Variants in CACNA1B observed in about 807,000 individuals in gnomAD.
The protein encoded by CACNA1B is voltage-dependent N-type calcium channel subunit alpha-1B.
A neutral mutation model predicts 247.2 loss-of-function variants in CACNA1B; 70 were observed. The ratio of observed to expected loss-of-function variants is 0.28; its 90% CI spans 0.23 to 0.35. The LOEUF is 0.35. Ranked by LOEUF, CACNA1B falls within the 10% of genes least tolerant of loss-of-function variation. The pLI is 1.00. For synonymous variants in CACNA1B, 1,231 were observed against 1,294.4 expected, an observed-to-expected ratio of 0.95 and a Z score of 1.05; for missense variants, 2,367 against 3,197.4, an observed-to-expected ratio of 0.74 and a Z score of 6.26.
rs559649209 is a variant in CACNA1B, at chr9:137,880,578, A to T, written c.390+1419A>T. On this transcript the variant is annotated intron_variant, in intron 2 of 46. Coordinates refer to ENST00000371372, the MANE Select transcript of CACNA1B (RefSeq NM_000718.4). The surrounding 1 kb of genome is among the most constrained non-coding windows in gnomAD (Gnocchi z 4.8). ...CAGGCAGTGGGTGTCCAGCCTTGCA[A>T]GTTCCTGCCTCGCAGGTGTGGGAGG... is the stretch of plus-strand genomic sequence containing the variant. 6.6e-5 allele frequency among the ~76,000 whole-genome samples: 10 copies of T among 152,288 alleles called. No individual in the cohort carries two copies. The highest frequency in any genetic ancestry group is 2.4e-4 in the African/African-American group (10 of 41,562).
intron 39 of CACNA1B, among the ~76,000 whole-genome samples, chr9:138,111,749 T>TGCC (rs1961641203): frequency 7.0e-6 from 1 of 142,504 alleles, no homozygotes; most frequent in East Asian, 2.4e-4. Flanking sequence ...CCATCCACCC[T>TGCC]GCCCCGAGGC....
intron 34 of CACNA1B, among the ~76,000 whole-genome samples, chr9:138,075,475 A>T (rs1960283783): frequency 6.6e-6 from 1 of 152,272 alleles, no homozygotes; most frequent in African/African-American, 2.4e-5. Flanking sequence ...TGTTACCAAC[A>T]TAATGCCTGC....
At chr9:137,879,977 C>T (rs982287947) in intron 2 of CACNA1B, among the ~76,000 whole-genome samples, 2 of 152,208 alleles carry the variant, frequency 1.3e-5, no homozygotes, top group Non-Finnish European at 2.9e-5. Flanking sequence ...GAGCAGAAGG[C>T]AGAGCAAGTG....
chr9:138,046,339 G>A (rs1959185651), intron 21 of CACNA1B, among the ~76,000 whole-genome samples: 1 of 152,214 alleles, frequency 6.6e-6, no homozygotes, highest in African/African-American at 2.4e-5. Context: ...GTGTTCACGT[G>A]GAGCGTGTTC....
Position 137,891,758 on chromosome 9 carries a change from G to C in CACNA1B, c.530+8875G>C, listed in dbSNP as rs79784587. On this transcript the variant is annotated intron_variant, in intron 3 of 46. Transcript: ENST00000371372. This position sits in a 1 kb window ranked among gnomAD's most constrained non-coding sequence, Gnocchi z 4.3. ...GCTGGCTGTGGGGCTGTAGAGTGGA[G>C]GGGCCTCCACCCTGCGTGCCTGTGT... is the stretch of plus-strand genomic sequence containing the variant. 2.2e-5 allele frequency: 7 copies of C among 320,084 alleles called. No homozygotes were observed. The Admixed American group carries it at 3.1e-4, about 14-fold the overall frequency. The allele number at this position is 320,084 out of a possible 1,614,324, so 19.8% of individuals were successfully genotyped here.
intron 3 of CACNA1B, among the ~76,000 whole-genome samples, chr9:137,912,503 G>T (rs558489713): frequency 6.6e-6 from 1 of 152,196 alleles, no homozygotes; most frequent in African/African-American, 2.4e-5. Context: ...TGGTGAGACC[G>T]AGGATTGACA....
chr9:138,120,616 C>A lies in CACNA1B; in HGVS notation c.6239-15C>A. 6.7e-7 allele frequency: 1 copy of A among 1,484,628 alleles called. No individual in the cohort carries two copies. The highest frequency in any genetic ancestry group is 8.9e-7 in the Non-Finnish European group (1 of 1,120,906). 92.0% of individuals were successfully genotyped at this position (1,484,628 alleles called of 1,614,324 possible). The stretch of plus-strand genomic sequence containing the variant: ...TTGGGCCTGGCCGTGCTAACTTCTT[C>A]TCTTCCCTGGCCAGCACCAAGCAGT... On this transcript the variant is annotated splice_polypyrimidine_tract_variant and intron_variant, in intron 45 of 46. Coordinates refer to ENST00000371372, the MANE Select transcript of CACNA1B (RefSeq NM_000718.4).
At chr9:137,963,113 T>C (rs1006403075) in intron 10 of CACNA1B, among the ~76,000 whole-genome samples, 3 of 152,242 alleles carry the variant, frequency 2.0e-5, no homozygotes, top group African/African-American at 7.2e-5. Flanking sequence ...CTTGTTGAAT[T>C]GAACCCTTTA....
At chr9:138,006,657 T>C (rs2133412850) in intron 15 of CACNA1B, 110 bp from the exon 16 acceptor site, 1 of 678,136 alleles carries the variant, frequency 1.5e-6, no homozygotes, top group East Asian at 2.7e-5. Flanking sequence ...TGTGTGGACG[T>C]GGCAGTGCGC....
chr9:137,913,261 T>G lies in CACNA1B; in HGVS notation c.612T>G (p.Ser204=), dbSNP rs1364300934. The G allele has an allele frequency of 6.2e-7, 1 of 1,613,498 alleles. No homozygotes were observed. Among genetic ancestry groups the G allele is most frequent in the Non-Finnish European group, 8.5e-7 (1 of 1,179,604 alleles). The change falls in exon 4 of 47, where the codon TCT becomes TCG. Residue 204 remains serine (S), a synonymous_variant. Transcript: ENST00000371372. The surrounding 1 kb of genome is among the most constrained non-coding windows in gnomAD (Gnocchi z 5.2). ...TGCTGAGGCCCCTGAAGCTGGTGTCTGGGATTCCAAGTGAGTCCAGCGAAG... is the reference window on the plus strand; with the variant it reads ...TGCTGAGGCCCCTGAAGCTGGTGTCGGGGATTCCAAGTGAGTCCAGCGAAG... ...VRVLRPLKLV[S]GIPSLQVVLK...
intron 12 of CACNA1B, among the ~76,000 whole-genome samples, chr9:137,982,095 G>T (rs1958301059): frequency 1.3e-5 from 2 of 152,172 alleles, no homozygotes; most frequent in African/African-American, 2.4e-5. Flanking sequence ...TTATCCAAAA[G>T]CTTGGTGGCA....
intron 40 of CACNA1B, among the ~76,000 whole-genome samples, chr9:138,113,908 A>C (rs1419197461): frequency 5.1e-5 from 7 of 136,760 alleles, no homozygotes; most frequent in Admixed American, 1.5e-4. Context: ...GAGGGAGCGC[A>C]GGAAGGTGCC....
intron 15 of CACNA1B, among the ~76,000 whole-genome samples, chr9:137,987,251 C>A (rs145949015): frequency 4.5e-4 from 68 of 152,254 alleles, no homozygotes; most frequent in African/African-American, 1.5e-3. Flanking sequence ...ATCCCAGTGA[C>A]CCCCTCAGTT....
Position 137,880,339 on chromosome 9 carries a change from G to T in CACNA1B, c.390+1180G>T, listed in dbSNP as rs375949455. Reference sequence around the variant, plus strand: ...ACAGCCCAGCCACACCATGAGGCAGGCGTGAGTCATGGTCCCTGTGGGGGA... The same window carrying T: ...ACAGCCCAGCCACACCATGAGGCAGTCGTGAGTCATGGTCCCTGTGGGGGA... On this transcript the variant is annotated intron_variant, in intron 2 of 46. Transcript: ENST00000371372. The surrounding 1 kb of genome is among the most constrained non-coding windows in gnomAD (Gnocchi z 4.8). Among the ~76,000 whole-genome samples, 6 of 152,330 alleles carry T rather than the reference G, an allele frequency of 3.9e-5. No homozygotes were observed. Among genetic ancestry groups the T allele is most frequent in the Non-Finnish European group, 8.8e-5 (6 of 68,034 alleles).
Position 138,010,517 on chromosome 9 carries a change from C to T in CACNA1B, c.2160+440C>T, listed in dbSNP as rs566703665. ...CATGTCTCCCTCTGTGATATCCCTC[C>T]GGATGACACAGTCCCCTCCTGGTCA... On this transcript the variant is annotated intron_variant, in intron 17 of 46. Coordinates refer to ENST00000371372, the MANE Select transcript of CACNA1B (RefSeq NM_000718.4). The surrounding 1 kb of genome is among the most constrained non-coding windows in gnomAD (Gnocchi z 5.3). Among the ~76,000 whole-genome samples, 12 of 152,268 alleles carry T rather than the reference C, an allele frequency of 7.9e-5. No individual in the cohort carries two copies. Among genetic ancestry groups the T allele is most frequent in the South Asian group, 2.1e-4 (1 of 4,822 alleles).
intron 36 of CACNA1B, among the ~76,000 whole-genome samples, chr9:138,080,890 G>C (rs867229557): frequency 6.6e-6 from 1 of 152,160 alleles, no homozygotes. Flanking sequence ...ACTTGAGACA[G>C]GTGAGCTTAC....
intron 6 of CACNA1B, among the ~76,000 whole-genome samples, chr9:137,949,072 G>GCA (rs1957836477): frequency 1.4e-5 from 1 of 73,510 alleles, no homozygotes; most frequent in Admixed American, 1.5e-4. Flanking sequence ...TGTGTGTAGT[G>GCA]TGTGTGGTGT....
At chr9:138,013,678 G>A (rs2133423994) in intron 18 of CACNA1B, among the ~76,000 whole-genome samples, 1 of 152,372 alleles carries the variant, frequency 6.6e-6, no homozygotes. Flanking sequence ...GTCTCTGCAA[G>A]TGTTTGGTAC....
chr9:137,920,248 A>G (rs1957462418), intron 6 of CACNA1B, among the ~76,000 whole-genome samples: 1 of 152,084 alleles, frequency 6.6e-6, no homozygotes, highest in African/African-American at 2.4e-5. Context: ...CCATGCTGGA[A>G]TGCGATGGCA....
Sources: allele counts gnomAD v4.1 joint callset (sites outside exome capture counted in the v4.1 genomes callset), GRCh38; gene constraint gnomAD v4.1.1; non-coding constraint Gnocchi (gnomAD v3.1); transcripts MANE v1.5; gene names NCBI Gene and HGNC (gene_info 2026-07-23, HGNC 2026-07-21).